Variants in RASA3 observed in about 807,000 individuals in gnomAD.
RASA3 encodes RAS p21 protein activator 3.
A neutral mutation model predicts 110.0 loss-of-function variants in RASA3; 73 were observed. The ratio of observed to expected loss-of-function variants is 0.66; its 90% CI spans 0.55 to 0.81. RASA3 has a LOEUF of 0.81. Among genes scored for constraint, RASA3 ranks in the 30% least tolerant of loss-of-function variants. RASA3 has a pLI of 0.00. For missense variants in RASA3, 976 were observed against 1,113.2 expected (o/e 0.88, Z 1.75); for synonymous variants, 500 against 451.4 (o/e 1.11, Z -1.37).
At chr13:113,997,021 C>T (rs747258510) in intron 20 of RASA3, among the ~76,000 whole-genome samples, 1 of 152,248 alleles carries the variant, frequency 6.6e-6, no homozygotes, top group Non-Finnish European at 1.5e-5. Flanking sequence ...ACAGCTTGGC[C>T]AAGGCCCTTT....
chr13:114,034,463 T>C (rs1463547158), intron 4 of RASA3, among the ~76,000 whole-genome samples: 2 of 152,158 alleles, frequency 1.3e-5, no homozygotes, highest in African/African-American at 4.8e-5. Flanking sequence ...GGCCCCCGTG[T>C]GCTCTCCCGG....
chr13:114,081,025 C>G (rs1256915842), intron 1 of RASA3, among the ~76,000 whole-genome samples: 3 of 141,070 alleles, frequency 2.1e-5, no homozygotes, highest in African/African-American at 8.7e-5. Flanking sequence ...CAAGAGTGCC[C>G]CACGGCAGAG....
chr13:114,080,531 A>G (rs2079767071), intron 1 of RASA3, among the ~76,000 whole-genome samples: 1 of 151,850 alleles, frequency 6.6e-6, no homozygotes, highest in South Asian at 2.1e-4. Flanking sequence ...CAGATGTTAA[A>G]CCCTCCCAAA....
intron 3 of RASA3, 28 bp downstream of exon 3, chr13:114,052,024 G>T: frequency 1.3e-6 from 2 of 1,510,392 alleles, no homozygotes; most frequent in Non-Finnish European, 1.8e-6. Context: ...GGCAGAAAAG[G>T]GGAAGTAAAT....
chr13:114,038,427 C>T (rs577930893), intron 4 of RASA3, among the ~76,000 whole-genome samples: 10 of 152,380 alleles, frequency 6.6e-5, no homozygotes, highest in African/African-American at 2.4e-4. Context: ...CTTTCCACAG[C>T]ACGTGTGGGT....
intron 5 of RASA3, 89 bp downstream of exon 5, chr13:114,029,722 G>A: frequency 8.2e-7 from 1 of 1,213,742 alleles, no homozygotes; most frequent in Non-Finnish European, 1.2e-6. Context: ...GGAAATTCTT[G>A]TGCGTTGGTG....
In RASA3 at chr13:114,030,961, G is replaced by A. The variant is rs186677164; in HGVS notation, c.373-1074C>T. ...TGTGTCCATCTGTGCTGCTGTGTGC[G>A]TGTCTGCCTGTGTAGCTGTGTGTCC... On this transcript the variant is annotated intron_variant, in intron 4 of 23. Transcript: ENST00000334062. Among the ~76,000 whole-genome samples, 462 of 152,028 alleles carry A rather than the reference G, an allele frequency of 3.0e-3. 3 individuals are homozygous for A. Among genetic ancestry groups the A allele is most frequent in the Admixed American group, 4.6e-3 (70 of 15,254 alleles).
chr13:114,020,945 A>G (rs1594336856), intron 9 of RASA3, among the ~76,000 whole-genome samples: 1 of 152,032 alleles, frequency 6.6e-6, no homozygotes, highest in Non-Finnish European at 1.5e-5. Flanking sequence ...CTGGTGTCAG[A>G]CCTCACGAGC....
At chr13:114,126,662 AC>A (rs2080454817) in intron 1 of RASA3, among the ~76,000 whole-genome samples, 1 of 152,214 alleles carries the variant, frequency 6.6e-6, no homozygotes, top group Non-Finnish European at 1.5e-5. Flanking sequence ...ATATTTGCTT[AC>A]ATAGAAGTCC....
intron 16 of RASA3, among the ~76,000 whole-genome samples, chr13:114,010,736 T>C (rs1440927115): frequency 0.54 from 52 of 96 alleles, 17 homozygotes; most frequent in Admixed American, 0.67. Context: ...GAGGGGGCCA[T>C]GTGAGGAGGA....
intron 12 of RASA3, among the ~76,000 whole-genome samples, 199 bp from the exon 13 acceptor site, chr13:114,016,470 T>C (rs991733023): frequency 1.3e-5 from 2 of 151,928 alleles, no homozygotes; most frequent in Non-Finnish European, 1.5e-5. Context: ...GGTGGTGTCG[T>C]CCCGAGCCTC....
chr13:114,020,595 GA>G (rs2053905729), intron 9 of RASA3, among the ~76,000 whole-genome samples: 1 of 152,222 alleles, frequency 6.6e-6, no homozygotes, highest in African/African-American at 2.4e-5. Flanking sequence ...CGCTTCCCGT[GA>G]CTCCGGGCCC....
intron 11 of RASA3, 56 bp from the exon 12 acceptor site, chr13:114,017,407 G>T: frequency 7.0e-7 from 1 of 1,436,066 alleles, no homozygotes. Flanking sequence ...AAGTGCAGAC[G>T]GAGCAGAGCC....
chr13:114,061,328 A>G (rs1326777465), intron 2 of RASA3, among the ~76,000 whole-genome samples: 3 of 152,002 alleles, frequency 2.0e-5, no homozygotes, highest in South Asian at 4.2e-4. Context: ...TAGAACCGCA[A>G]ACTACGGTTG....
chr13:114,111,068 C>T (rs1458193153), intron 1 of RASA3, among the ~76,000 whole-genome samples: 1 of 85,308 alleles, frequency 1.2e-5, no homozygotes, highest in Non-Finnish European at 2.6e-5. Context: ...GGCTGAGCCT[C>T]AAACCAGCTG....
intron 1 of RASA3, among the ~76,000 whole-genome samples, chr13:114,116,082 G>A (rs554691510): frequency 2.1e-4 from 32 of 152,316 alleles, no homozygotes; most frequent in Middle Eastern, 3.4e-3. Flanking sequence ...GCGCAGGGGC[G>A]GAACCCCGGG....
chr13:114,041,228 C>T (rs577852677), intron 3 of RASA3, 134 bp from the exon 4 acceptor site: 32 of 777,344 alleles, frequency 4.1e-5, no homozygotes, highest in Middle Eastern at 2.3e-4. Context: ...CGGCCGGGTG[C>T]GGGGCTCATG....
chr13:114,126,180 G>T (rs894523625), intron 1 of RASA3, among the ~76,000 whole-genome samples: 1 of 138,862 alleles, frequency 7.2e-6, no homozygotes, highest in Non-Finnish European at 1.6e-5. Flanking sequence ...GTCCAACCTC[G>T]CACCCTCCAG....
At chr13:113,994,995 C>T (rs961632607) in intron 21 of RASA3, among the ~76,000 whole-genome samples, 5 of 152,206 alleles carry the variant, frequency 3.3e-5, no homozygotes, top group Admixed American at 1.3e-4. Flanking sequence ...ACTAAAAAAG[C>T]ATCCCCGAGC....
Sources: gnomAD v4.1 joint callset for allele counts (sites outside exome capture counted in the v4.1 genomes callset) on GRCh38, gnomAD v4.1.1 for gene constraint, MANE v1.5 for transcripts, NCBI Gene and HGNC (gene_info 2026-07-23, HGNC 2026-07-21) for gene names.